KCNH5: variants seen among roughly 807,000 people sequenced by gnomAD.
KCNH5 encodes voltage-gated delayed rectifier potassium channel KCNH5.
A neutral mutation model predicts 96.1 loss-of-function variants in KCNH5; 46 were observed. That is an observed-to-expected ratio of 0.48 (90% CI 0.38 to 0.61). KCNH5 has a LOEUF of 0.61. KCNH5 is among the 20% of genes least tolerant of loss of function. KCNH5 has a pLI of 0.00. For synonymous variants in KCNH5, 439 were observed against 449.8 expected (o/e 0.98, Z 0.30); for missense variants, 907 against 1,225.8 (o/e 0.74, Z 3.88).
chr14:62,880,574 T>A (rs1888472756), intron 7 of KCNH5, among the ~76,000 whole-genome samples: 1 of 152,216 alleles, frequency 6.6e-6, no homozygotes, highest in Admixed American at 6.6e-5. Context: ...GAGCATCAGC[T>A]GTTTTCTGGA....
chr14:62,797,673 G>A (rs928783365), intron 9 of KCNH5, among the ~76,000 whole-genome samples: 2 of 150,904 alleles, frequency 1.3e-5, no homozygotes, highest in African/African-American at 2.4e-5. Flanking sequence ...TTTTAATTTT[G>A]AGCAGTATAA....
Position 62,871,238 on chromosome 14 carries a change from G to A in KCNH5, c.1370-21386C>T, listed in dbSNP as rs557208376. ...GATCACATCTATCCCCAGGGAAACCGTAGTTAATAGTAGCCAGTTAAACAA... is the reference window on the plus strand; with the variant it reads ...GATCACATCTATCCCCAGGGAAACCATAGTTAATAGTAGCCAGTTAAACAA... On this transcript the variant is annotated intron_variant, in intron 7 of 10. Transcript: ENST00000322893. Among the ~76,000 whole-genome samples the A allele has an allele frequency of 1.2e-3, 177 of 152,262 alleles. 3 individuals carry two copies. In the South Asian group the frequency reaches 0.017, roughly 15 times the overall value.
intron 6 of KCNH5, among the ~76,000 whole-genome samples, chr14:62,970,259 T>C (rs1215961927): frequency 6.6e-6 from 1 of 151,920 alleles, no homozygotes; most frequent in Non-Finnish European, 1.5e-5. Flanking sequence ...ATCAAATCCT[T>C]GAAAGACACA....
At chr14:63,035,601 T>C (rs1217766795) in intron 1 of KCNH5, among the ~76,000 whole-genome samples, 1 of 152,216 alleles carries the variant, frequency 6.6e-6, no homozygotes, top group Non-Finnish European at 1.5e-5. Context: ...TAAGCAGAAC[T>C]GATACTTCTT....
intron 7 of KCNH5, among the ~76,000 whole-genome samples, chr14:62,927,284 G>A (rs962599242): frequency 6.6e-6 from 1 of 152,134 alleles, no homozygotes; most frequent in African/African-American, 2.4e-5. Context: ...GTGCACTGTT[G>A]GTGGGAATGT....
At chr14:62,746,958 A>G (rs1014388407) in intron 10 of KCNH5, among the ~76,000 whole-genome samples, 3 of 152,254 alleles carry the variant, frequency 2.0e-5, no homozygotes, top group African/African-American at 4.8e-5. Flanking sequence ...TCATGTTAAG[A>G]TCAAAATTTT....
intron 10 of KCNH5, among the ~76,000 whole-genome samples, chr14:62,770,884 C>T (rs930256191): frequency 6.6e-6 from 1 of 152,102 alleles, no homozygotes; most frequent in African/African-American, 2.4e-5. Flanking sequence ...TTTATGTCTC[C>T]CACCCGCAAA....
chr14:62,838,817 G>A (rs1375615514), intron 8 of KCNH5, among the ~76,000 whole-genome samples: 2 of 152,104 alleles, frequency 1.3e-5, no homozygotes, highest in Non-Finnish European at 2.9e-5. Context: ...TAGTATACAT[G>A]TGTTGGAAAG....
At position 62,920,298 on chromosome 14, in the gene KCNH5, C is replaced by T. The variant is rs537404624; in HGVS notation, c.1369+29835G>A. 7.2e-5 allele frequency among the ~76,000 whole-genome samples: 11 copies of T among 152,140 alleles called. No homozygotes were observed. The South Asian group carries it at 1.2e-3, about 17-fold the overall frequency. On this transcript the variant is annotated intron_variant, in intron 7 of 10. Transcript: ENST00000322893. The stretch of plus-strand genomic sequence containing the variant: ...GTAGCAGCAACAGATTAGCAGCCCC[C>T]AGAGAAGAGTTTACATCGTTTCTGA...
At chr14:63,045,045 A>C in intron 1 of KCNH5, 69 bp downstream of exon 1, 1 of 1,184,598 alleles carries the variant, frequency 8.4e-7, no homozygotes. Flanking sequence ...GAGGGATGGG[A>C]TGGGGAGGAT....
At position 62,699,565 on chromosome 14, in the gene KCNH5, T is replaced by C. The variant is rs974193854; in HGVS notation, c.*7943A>G. ...TAGTCCTCCCTGATGAAATACAGTTTATTGTGCTGAAACCCAGATTTCTTT... is the reference window on the plus strand; with the variant it reads ...TAGTCCTCCCTGATGAAATACAGTTCATTGTGCTGAAACCCAGATTTCTTT... On this transcript the variant is annotated 3_prime_UTR_variant, in exon 11 of 11. Coordinates refer to ENST00000322893, the MANE Select transcript of KCNH5 (RefSeq NM_139318.5). The C allele has an allele frequency of 2.0e-5, 3 of 152,208 alleles. No homozygotes were observed. Among genetic ancestry groups the C allele is most frequent in the African/African-American group, 7.2e-5 (3 of 41,456 alleles). The allele number at this position is 152,208 out of a possible 1,614,324, so 9.4% of individuals were successfully genotyped here.
intron 10 of KCNH5, among the ~76,000 whole-genome samples, chr14:62,743,024 A>G (rs1435819867): frequency 6.6e-6 from 1 of 152,172 alleles, no homozygotes; most frequent in African/African-American, 2.4e-5. Flanking sequence ...GTCCCTCTCT[A>G]TTCCCCATGG....
intron 7 of KCNH5, among the ~76,000 whole-genome samples, chr14:62,881,669 T>C (rs1231498736): frequency 6.6e-6 from 1 of 152,040 alleles, no homozygotes; most frequent in Admixed American, 6.6e-5. Flanking sequence ...ACTATGCACA[T>C]TACTAGTCAT....
intron 7 of KCNH5, among the ~76,000 whole-genome samples, chr14:62,932,088 A>T (rs948359598): frequency 2.6e-5 from 4 of 152,108 alleles, no homozygotes; most frequent in Admixed American, 2.6e-4. Context: ...ACCCAATTAG[A>T]TCTCCCTACA....
At chr14:62,718,919 G>C (rs1884746228) in intron 10 of KCNH5, among the ~76,000 whole-genome samples, 1 of 152,126 alleles carries the variant, frequency 6.6e-6, no homozygotes, top group Non-Finnish European at 1.5e-5. Flanking sequence ...AGAGAAACCT[G>C]GAAAACATCA....
At chr14:62,947,956 T>G (rs1264774365) in intron 7 of KCNH5, among the ~76,000 whole-genome samples, 1 of 151,950 alleles carries the variant, frequency 6.6e-6, no homozygotes, top group Non-Finnish European at 1.5e-5. Flanking sequence ...TAGGTATATC[T>G]CCCAATGCTA....
chr14:62,981,338 G>GCTGTGGTTTGACTGC, intron 5 of KCNH5, 74 bp from the exon 6 acceptor site: 1 of 1,418,348 alleles, frequency 7.1e-7, no homozygotes, highest in Non-Finnish European at 9.8e-7. Context: ...AAATCTACTG[G>GCTGTGGTTTGACTGC]CAGTCAAACC....
At chr14:62,719,025 T>C (rs1884749196) in intron 10 of KCNH5, among the ~76,000 whole-genome samples, 1 of 152,116 alleles carries the variant, frequency 6.6e-6, no homozygotes, top group Non-Finnish European at 1.5e-5. Context: ...TCAGAGAGTA[T>C]ATAAATGGCT....
intron 8 of KCNH5, among the ~76,000 whole-genome samples, chr14:62,808,692 G>A (rs1016453465): frequency 6.6e-6 from 1 of 151,958 alleles, no homozygotes; most frequent in African/African-American, 2.4e-5. Context: ...CAAAGTTATG[G>A]GAAACTCCTG....
Sources: allele counts gnomAD v4.1 joint callset (sites outside exome capture counted in the v4.1 genomes callset), GRCh38; gene constraint gnomAD v4.1.1; transcripts MANE v1.5; gene names NCBI Gene and HGNC (gene_info 2026-07-23, HGNC 2026-07-21).